The following FAM178B variants were observed in gnomAD, a reference collection of about 807,000 sequenced individuals.
FAM178B encodes family with sequence similarity 178 member B, also known as protein FAM178B.
A neutral mutation model predicts 91.7 loss-of-function variants in FAM178B; 82 were observed. The ratio of observed to expected loss-of-function variants is 0.89; its 90% confidence interval spans 0.75 to 1.07. The LOEUF is 1.07. Among genes scored for constraint, FAM178B ranks in the 50% least tolerant of loss-of-function variants. The pLI is 0.00. For missense variants in FAM178B, 769 were observed against 846.7 expected, an observed-to-expected ratio of 0.91 and a Z score of 1.14; for synonymous variants, 368 against 359.4, an observed-to-expected ratio of 1.02 and a Z score of -0.27.
At chr2:96,912,910 C>T (rs1047240254) in intron 12 of FAM178B, among the ~76,000 whole-genome samples, 1 of 152,180 alleles carries the variant, frequency 6.6e-6, no homozygotes, top group African/African-American at 2.4e-5. Flanking sequence ...CCGAAGAATC[C>T]AACCTGCCCG....
In FAM178B at chr2:96,901,182, T is replaced by C. The variant is rs567173477; in HGVS notation, c.1650+1438A>G. Among the ~76,000 whole-genome samples the C allele has an allele frequency of 1.2e-4, 18 of 150,670 alleles. 1 individual carries two copies. The South Asian group carries it at 3.2e-3, about 26-fold the overall frequency. ...GAAGGCTGAATTCTTTTTTCTTTTT[T>C]TTTTTTTTTTTTTAGAGTCTTGCCC... On this transcript the variant is annotated intron_variant, in intron 13 of 16. Coordinates refer to ENST00000490605, the MANE Select transcript of FAM178B (RefSeq NM_001122646.3).
At chr2:96,929,704 TAG>T (rs2081508276) in intron 8 of FAM178B, among the ~76,000 whole-genome samples, 3 of 152,182 alleles carry the variant, frequency 2.0e-5, no homozygotes, top group Non-Finnish European at 4.4e-5. Flanking sequence ...CTCACGTCCT[TAG>T]ACTCTCTTGC....
At chr2:96,893,197 C>G (rs992045439) in intron 14 of FAM178B, among the ~76,000 whole-genome samples, 1 of 152,142 alleles carries the variant, frequency 6.6e-6, no homozygotes, top group African/African-American at 2.4e-5. Flanking sequence ...ATTCCCGAGT[C>G]CCCAGGGGCA....
rs182576696 is a variant in FAM178B, at chr2:96,912,078, C to T, written c.1562+9087G>A. 1.5e-4 allele frequency among the ~76,000 whole-genome samples: 23 copies of T among 152,168 alleles called. No homozygotes were observed. In the East Asian group the frequency reaches 1.7e-3, roughly 12 times the overall value. ...TGGATATTAGCAAGCAGGGAATTTA[C>T]GTAGGGAGAGAGGATGCAGGGAATT... is the stretch of plus-strand genomic sequence containing the variant. On this transcript the variant is annotated intron_variant, in intron 12 of 16. Coordinates refer to ENST00000490605, the MANE Select transcript of FAM178B (RefSeq NM_001122646.3).
rs767105204 is a variant in FAM178B, at chr2:96,970,763, G to C, written c.579C>G (p.Gly193=). The change falls in exon 4 of 17, where the codon GGC becomes GGG. Residue 193 remains glycine, a synonymous_variant. Transcript: ENST00000490605. ...QAAAPEFSWG[G]SGSYFNNLDY... ...CCAGGTTGTTGAAGTAGCTTCCTGA[G>C]CCCCCCCAGGAAAACTGGAGAAACA... 6.4e-7 allele frequency: 1 copy of C among 1,550,636 alleles called. No homozygotes were observed. The highest frequency in any genetic ancestry group is 1.4e-5 in the African/African-American group (1 of 72,876).
chr2:96,928,981 C>CA (rs1268916321), intron 9 of FAM178B, among the ~76,000 whole-genome samples: 1 of 151,978 alleles, frequency 6.6e-6, no homozygotes, highest in African/African-American at 2.4e-5. Context: ...GAGACCCCCC[C>CA]CCGCCACCTC....
chr2:96,878,068 A>G, intron 15 of FAM178B, 26 bp from the exon 16 acceptor site: 1 of 1,602,598 alleles, frequency 6.2e-7, no homozygotes, highest in Non-Finnish European at 8.5e-7. Context: ...GAGGCCAAGA[A>G]GCGGGTGTAG....
At chr2:96,972,883 T>C (rs529323626) in intron 1 of FAM178B, among the ~76,000 whole-genome samples, 467 of 151,952 alleles carry the variant, frequency 3.1e-3, no homozygotes, top group Non-Finnish European at 5.6e-3. Flanking sequence ...AGCGGCGTGA[T>C]CTTGGCTCAC....
intron 10 of FAM178B, among the ~76,000 whole-genome samples, chr2:96,922,784 A>G (rs549533910): frequency 5.3e-5 from 8 of 151,682 alleles, no homozygotes; most frequent in African/African-American, 1.9e-4. Flanking sequence ...AGCTCACTGC[A>G]ACCTCCACTT....
intron 13 of FAM178B, among the ~76,000 whole-genome samples, chr2:96,896,991 C>T (rs770628361): frequency 2.0e-5 from 3 of 152,268 alleles, no homozygotes; most frequent in Non-Finnish European, 2.9e-5. Context: ...CTCAGTCTCC[C>T]GAGTAGCTGG....
At chr2:96,886,937 G>A (rs1001085600) in intron 14 of FAM178B, among the ~76,000 whole-genome samples, 8 of 152,190 alleles carry the variant, frequency 5.3e-5, no homozygotes, top group Non-Finnish European at 8.8e-5. Context: ...CCTTTTGGCC[G>A]GGCGCGGTGG....
At chr2:96,878,070 CG>C in intron 15 of FAM178B, 28 bp from the exon 16 acceptor site, 1 of 1,602,156 alleles carries the variant, frequency 6.2e-7, no homozygotes, top group Non-Finnish European at 8.5e-7. Flanking sequence ...GGCCAAGAAG[CG>C]GGTGTAGCAC....
intron 12 of FAM178B, among the ~76,000 whole-genome samples, chr2:96,910,556 C>T (rs1297350673): frequency 6.6e-6 from 1 of 152,244 alleles, no homozygotes; most frequent in Non-Finnish European, 1.5e-5. Context: ...AAAGTAACTA[C>T]ACAGAAACTC....
At chr2:96,891,888 A>T (rs1263350859) in intron 14 of FAM178B, among the ~76,000 whole-genome samples, 1 of 152,186 alleles carries the variant, frequency 6.6e-6, no homozygotes, top group East Asian at 1.9e-4. Context: ...CAACGCTGGG[A>T]AAGTAGGCAT....
intron 7 of FAM178B, among the ~76,000 whole-genome samples, chr2:96,949,362 G>C (rs1248227599): frequency 6.6e-6 from 1 of 152,158 alleles, no homozygotes; most frequent in Non-Finnish European, 1.5e-5. Flanking sequence ...CCTTTGACTG[G>C]ACAAGGGGAC....
intron 8 of FAM178B, among the ~76,000 whole-genome samples, chr2:96,947,100 C>A (rs1176915503): frequency 6.6e-6 from 1 of 152,176 alleles, no homozygotes; most frequent in Non-Finnish European, 1.5e-5. Flanking sequence ...CTCTTACTGT[C>A]TGCTTAAGCA....
intron 7 of FAM178B, 81 bp downstream of exon 7, chr2:96,951,298 G>A (rs1477203198): frequency 2.0e-6 from 2 of 996,632 alleles, no homozygotes; most frequent in African/African-American, 3.2e-5. Flanking sequence ...GAGGTGAAGT[G>A]CCCACCCCTC....
At chr2:96,984,349 A>G (rs1364688886) in intron 1 of FAM178B, among the ~76,000 whole-genome samples, 1 of 152,230 alleles carries the variant, frequency 6.6e-6, no homozygotes, top group Non-Finnish European at 1.5e-5. Context: ...ACCCCAATTT[A>G]GCATCTTCTA....
At chr2:96,967,670 C>T in intron 4 of FAM178B, 43 bp from the exon 5 acceptor site, 1 of 1,365,118 alleles carries the variant, frequency 7.3e-7, no homozygotes, top group Non-Finnish European at 1.0e-6. Flanking sequence ...AGTGTTGTTC[C>T]CCATCGTGCA....
Sources: allele counts gnomAD v4.1 joint callset (sites outside exome capture counted in the v4.1 genomes callset), GRCh38; gene constraint gnomAD v4.1.1; transcripts MANE v1.5; gene names NCBI Gene and HGNC (gene_info 2026-07-23, HGNC 2026-07-21).